Variants in SUMF1 observed in about 807,000 individuals in gnomAD.
SUMF1 encodes sulfatase modifying factor 1, also known as formylglycine-generating enzyme.
In SUMF1, 48 loss-of-function variants were observed where a neutral mutation model predicts 47.6. The ratio of observed to expected loss-of-function variants is 1.01; its 90% CI spans 0.80 to 1.28. The LOEUF is 1.28. Among genes scored for constraint, SUMF1 ranks in the 50% most tolerant of loss-of-function variants. The pLI, the probability that SUMF1 is intolerant of heterozygous loss-of-function variation, is 0.00. For synonymous variants in SUMF1, 230 were observed against 192.1 expected (o/e 1.20, Z -1.63); for missense variants, 571 against 485.4 (o/e 1.18, Z -1.66).
Position 4,047,730 on chromosome 3 carries a change from T to C in SUMF1, c.1191+20839A>G, listed in dbSNP as rs1022888353. Among the ~76,000 whole-genome samples, 4 of 152,144 alleles carry C rather than the reference T, an allele frequency of 2.6e-5. No homozygotes were observed. The South Asian group carries it at 8.3e-4, about 32-fold the overall frequency. ...TACTCAAAGGAGACAGTAAATCTCA[T>C]GCTGTACTCAATGACATCACCCCCT... is the stretch of plus-strand genomic sequence containing the variant. On this transcript the variant is annotated intron_variant and NMD_transcript_variant, in intron 9 of 12. Coordinates refer to the SUMF1 transcript ENST00000448413.
chr3:4,399,720 G>C (rs1484400579), intron 7 of SUMF1, among the ~76,000 whole-genome samples: 1 of 152,166 alleles, frequency 6.6e-6, no homozygotes, highest in African/African-American at 2.4e-5. Flanking sequence ...GCAGAGTCTG[G>C]CCCTCAAAAC....
chr3:4,276,708 A>T (rs1270963659), intron 8 of SUMF1, among the ~76,000 whole-genome samples: 1 of 152,106 alleles, frequency 6.6e-6, no homozygotes, highest in Non-Finnish European at 1.5e-5. Flanking sequence ...AAGCTACGGT[A>T]TTTCTTTTTG....
intron 8 of SUMF1, among the ~76,000 whole-genome samples, chr3:4,208,702 C>G (rs866388550): frequency 1.3e-5 from 2 of 151,852 alleles, no homozygotes. Flanking sequence ...TTAATGGGCT[C>G]ATTAGTAGAC....
In SUMF1 at chr3:4,311,552, T is replaced by C. The variant is rs77497123; in HGVS notation, c.1014+64778A>G. 4.6e-3 allele frequency among the ~76,000 whole-genome samples: 695 copies of C among 152,306 alleles called. 7 individuals are homozygous for C. The highest frequency in any genetic ancestry group is 0.016 in the African/African-American group (669 of 41,570). Reference sequence around the variant, plus strand: ...ACACATTGGTGGAATTCCTTCCTGGTATCAGTACTGAAAAAAGTCAATGCC... The same window carrying C: ...ACACATTGGTGGAATTCCTTCCTGGCATCAGTACTGAAAAAAGTCAATGCC... On this transcript the variant is annotated intron_variant and NMD_transcript_variant, in intron 8 of 12. Transcript: ENST00000448413.
At chr3:4,275,313 T>C (rs1297149741) in intron 8 of SUMF1, among the ~76,000 whole-genome samples, 1 of 151,868 alleles carries the variant, frequency 6.6e-6, no homozygotes, top group Non-Finnish European at 1.5e-5. Context: ...AATTGCAGAG[T>C]TGGCATGATT....
At chr3:4,036,839 G>A (rs1230714035) in intron 9 of SUMF1, among the ~76,000 whole-genome samples, 3 of 123,330 alleles carry the variant, frequency 2.4e-5, no homozygotes, top group East Asian at 2.3e-4. Context: ...ATCTGCTGAG[G>A]TCAGTGAGGC....
chr3:4,371,740 C>A (rs1270782926), intron 8 of SUMF1, among the ~76,000 whole-genome samples: 1 of 152,124 alleles, frequency 6.6e-6, no homozygotes, highest in East Asian at 1.9e-4. Context: ...TTCACTTAAT[C>A]CTCTCAGCAA....
chr3:4,045,924 GC>G (rs1694997708), intron 9 of SUMF1, among the ~76,000 whole-genome samples: 1 of 152,160 alleles, frequency 6.6e-6, no homozygotes, highest in Non-Finnish European at 1.5e-5. Context: ...ACTGGCTTAT[GC>G]CTATAATTCC....
At chr3:4,300,864 A>G (rs1162634322) in intron 8 of SUMF1, among the ~76,000 whole-genome samples, 1 of 151,454 alleles carries the variant, frequency 6.6e-6, no homozygotes, top group East Asian at 1.9e-4. Context: ...ATCAGTAGAA[A>G]ACAAACATAC....
At chr3:4,244,322 C>T (rs1331635964) in intron 8 of SUMF1, among the ~76,000 whole-genome samples, 4 of 152,168 alleles carry the variant, frequency 2.6e-5, no homozygotes, top group Non-Finnish European at 4.4e-5. Flanking sequence ...AGTTATTTCA[C>T]CTGTTAATTG....
intron 1 of SUMF1, among the ~76,000 whole-genome samples, chr3:4,458,176 T>C (rs1338132013): frequency 1.3e-5 from 2 of 152,124 alleles, no homozygotes; most frequent in African/African-American, 4.8e-5. Context: ...AAAACCACAA[T>C]GGGCTATCTC....
At chr3:4,225,707 G>C (rs749230770) in intron 8 of SUMF1, among the ~76,000 whole-genome samples, 2 of 152,116 alleles carry the variant, frequency 1.3e-5, no homozygotes, top group African/African-American at 2.4e-5. Context: ...AGTCACCTGA[G>C]GTTATAAAAG....
intron 8 of SUMF1, among the ~76,000 whole-genome samples, chr3:4,159,126 G>A (rs764910124): frequency 1.7e-4 from 26 of 151,320 alleles, no homozygotes; most frequent in Middle Eastern, 3.4e-3. Context: ...GTTTCTCTGT[G>A]TACTTACTAT....
intron 7 of SUMF1, among the ~76,000 whole-genome samples, chr3:4,399,255 T>C (rs1701132821): frequency 6.6e-6 from 1 of 152,280 alleles, no homozygotes; most frequent in African/African-American, 2.4e-5. Context: ...GTCAGGACTA[T>C]ATTATACAGG....
At chr3:4,155,203 C>A (rs1338082958) in intron 8 of SUMF1, among the ~76,000 whole-genome samples, 1 of 151,302 alleles carries the variant, frequency 6.6e-6, no homozygotes, top group East Asian at 1.9e-4. Flanking sequence ...CAGTCCTATG[C>A]CAATTAAGGT....
intron 3 of SUMF1, among the ~76,000 whole-genome samples, chr3:4,429,242 G>C (rs968296055): frequency 6.6e-6 from 1 of 152,330 alleles, no homozygotes; most frequent in Non-Finnish European, 1.5e-5. Flanking sequence ...GGTACGGTTA[G>C]TTTCCCTCTG....
chr3:4,115,741 G>A (rs1693408019), intron 8 of SUMF1, among the ~76,000 whole-genome samples: 1 of 152,056 alleles, frequency 6.6e-6, no homozygotes, highest in South Asian at 2.1e-4. Context: ...TTGCATGTTT[G>A]AGTCCAATTT....
chr3:4,077,010 GA>G (rs1025441243), intron 8 of SUMF1, among the ~76,000 whole-genome samples: 5 of 149,394 alleles, frequency 3.3e-5, no homozygotes, highest in African/African-American at 7.4e-5. Flanking sequence ...TCTCAAAAAA[GA>G]AAAAAAAAGA....
rs564713064 is a variant in SUMF1 at position 4,123,667 on chromosome 3, C to T, written c.1015-54922G>A. On this transcript the variant is annotated intron_variant and NMD_transcript_variant, in intron 8 of 12. Transcript: ENST00000448413. Reference sequence around the variant, plus strand: ...ACAGTAGAGAGAAAAGACCCCTGACCTAGGAATTATGAGACCATTGTTCTG... The same window carrying T: ...ACAGTAGAGAGAAAAGACCCCTGACTTAGGAATTATGAGACCATTGTTCTG... Among the ~76,000 whole-genome samples, 4 of 152,224 alleles carry T rather than the reference C, an allele frequency of 2.6e-5. No individual in the cohort carries two copies. The South Asian group carries it at 8.3e-4, about 32-fold the overall frequency.
Sources: allele counts gnomAD v4.1 joint callset (sites outside exome capture counted in the v4.1 genomes callset), GRCh38; gene constraint gnomAD v4.1.1; transcripts MANE v1.5; gene names NCBI Gene and HGNC (gene_info 2026-07-23, HGNC 2026-07-21).